Variants in THRB observed in about 807,000 individuals in gnomAD.
THRB encodes the protein nuclear receptor subfamily 1 group A member 2.
THRB carries 12 observed loss-of-function variants against 47.8 expected under a neutral mutation model. The ratio of observed to expected loss-of-function variants is 0.25; its 90% CI spans 0.16 to 0.41. The LOEUF is 0.41. Among genes scored for constraint, THRB ranks in the 10% least tolerant of loss-of-function variants. THRB has a pLI of 1.00. For synonymous variants in THRB, 218 were observed against 212.2 expected (o/e 1.03, Z -0.24); for missense variants, 348 against 589.2 (o/e 0.59, Z 4.24).
chr3:24,274,852 G>A (rs1473889553), intron 3 of THRB, among the ~76,000 whole-genome samples: 1 of 151,910 alleles, frequency 6.6e-6, no homozygotes, highest in South Asian at 2.1e-4. Context: ...TATATTATTT[G>A]CCTTTCTATT....
intron 1 of THRB, among the ~76,000 whole-genome samples, chr3:24,433,044 T>C (rs1227228672): frequency 6.6e-6 from 1 of 152,142 alleles, no homozygotes; most frequent in East Asian, 1.9e-4. Context: ...TTTTTATTTC[T>C]ACTAACTCAG....
intron 1 of THRB, among the ~76,000 whole-genome samples, chr3:24,490,687 C>T (rs184433763): frequency 8.8e-4 from 134 of 152,164 alleles, no homozygotes; most frequent in Non-Finnish European, 1.3e-3. Context: ...TTTCAAGTAC[C>T]TCGTTGTCCT....
At chr3:24,463,413 C>A (rs1042277462) in intron 1 of THRB, among the ~76,000 whole-genome samples, 3 of 152,012 alleles carry the variant, frequency 2.0e-5, no homozygotes, top group African/African-American at 4.8e-5. Context: ...GGCACATGTG[C>A]GGCTAATTTT....
chr3:24,165,891 C>T (rs1559494614), intron 5 of THRB, among the ~76,000 whole-genome samples: 2 of 152,070 alleles, frequency 1.3e-5, no homozygotes, highest in Non-Finnish European at 2.9e-5. Context: ...AAAGAAAATC[C>T]TAAAATCAAT....
At chr3:24,335,049 G>A (rs1425229771) in intron 2 of THRB, among the ~76,000 whole-genome samples, 1 of 152,182 alleles carries the variant, frequency 6.6e-6, no homozygotes, top group Non-Finnish European at 1.5e-5. Context: ...TGCATGTTGG[G>A]TGGTGACCCA....
chr3:24,227,022 A>G (rs1487568929), intron 4 of THRB, among the ~76,000 whole-genome samples: 1 of 152,206 alleles, frequency 6.6e-6, no homozygotes, highest in Non-Finnish European at 1.5e-5. Context: ...ACTGCACTGT[A>G]CCTAGAACTA....
chr3:24,357,685 C>T (rs931588306), intron 1 of THRB, among the ~76,000 whole-genome samples: 1 of 151,714 alleles, frequency 6.6e-6, no homozygotes, highest in African/African-American at 2.4e-5. Context: ...ATTTATTGTC[C>T]ACTTCTGAGG....
chr3:24,227,777 T>C (rs1426930500), intron 4 of THRB, among the ~76,000 whole-genome samples: 1 of 152,056 alleles, frequency 6.6e-6, no homozygotes, highest in Non-Finnish European at 1.5e-5. Flanking sequence ...GTGACATGAA[T>C]AGATAATCAA....
intron 3 of THRB, among the ~76,000 whole-genome samples, chr3:24,242,957 T>C (rs917758416): frequency 6.6e-6 from 1 of 151,668 alleles, no homozygotes; most frequent in African/African-American, 2.4e-5. Flanking sequence ...AGAGGGGTCA[T>C]CTGTGGGGTT....
chr3:24,492,052 A>G (rs1047831194), intron 1 of THRB, among the ~76,000 whole-genome samples: 1 of 152,266 alleles, frequency 6.6e-6, no homozygotes, highest in Non-Finnish European at 1.5e-5. Context: ...TGTGCAACAC[A>G]CACATACACA....
chr3:24,459,159 C>T (rs1006579256), intron 1 of THRB: 13 of 152,128 alleles, frequency 8.5e-5, no homozygotes, highest in African/African-American at 3.1e-4. Context: ...TCCCTGTGTC[C>T]ATGTGTTCTT....
At chr3:24,210,725 C>G (rs893370475) in intron 4 of THRB, among the ~76,000 whole-genome samples, 9 of 152,200 alleles carry the variant, frequency 5.9e-5, no homozygotes, top group Non-Finnish European at 1.2e-4. Context: ...TACCAGTCAG[C>G]ATGACTGATT....
chr3:24,179,300 T>C (rs965785983), intron 5 of THRB, among the ~76,000 whole-genome samples: 4 of 74,462 alleles, frequency 5.4e-5, no homozygotes, highest in African/African-American at 1.0e-4. Context: ...ATTCTGATAA[T>C]TGTGCTATGG....
chr3:24,117,537 T>C lies in THRB; in HGVS notation c.*5347A>G, dbSNP rs1400289276. The C allele has an allele frequency of 6.6e-6, 1 of 152,270 alleles. No individual in the cohort carries two copies. The highest frequency in any genetic ancestry group is 1.5e-5 in the Non-Finnish European group (1 of 68,056). The allele number at this position is 152,270 out of a possible 1,614,324, so 9.4% of individuals were successfully genotyped here. ...GGCCAGTGAGAATTAGGCCAGAATT[T>C]TCATTAGAATTGTTGGAGAAAAGAA... On this transcript the variant is annotated 3_prime_UTR_variant, in exon 11 of 11. Transcript: ENST00000646209.
intron 5 of THRB, among the ~76,000 whole-genome samples, chr3:24,177,278 T>C (rs979537831): frequency 1.3e-5 from 2 of 152,324 alleles, no homozygotes; most frequent in African/African-American, 4.8e-5. Flanking sequence ...CTAAGACAAA[T>C]GCCAGCCAGC....
At chr3:24,453,948 T>A (rs13061290) in intron 1 of THRB, among the ~76,000 whole-genome samples, 1 of 151,960 alleles carries the variant, frequency 6.6e-6, no homozygotes, top group Admixed American at 6.6e-5. Flanking sequence ...TCTTGACCCC[T>A]TTCCCCAAAC....
intron 1 of THRB, among the ~76,000 whole-genome samples, chr3:24,351,374 C>T (rs540651822): frequency 2.0e-5 from 3 of 152,204 alleles, no homozygotes; most frequent in Non-Finnish European, 4.4e-5. Flanking sequence ...CATCCTAATC[C>T]TTTCAAAATG....
chr3:24,424,995 T>C (rs984335019), intron 1 of THRB, among the ~76,000 whole-genome samples: 1 of 151,960 alleles, frequency 6.6e-6, no homozygotes, highest in Non-Finnish European at 1.5e-5. Flanking sequence ...ATATTTTTGG[T>C]GTAGACTTAT....
At chr3:24,284,194 C>T (rs944556281) in intron 3 of THRB, among the ~76,000 whole-genome samples, 3 of 150,274 alleles carry the variant, frequency 2.0e-5, no homozygotes, top group Non-Finnish European at 4.5e-5. Flanking sequence ...TACAAGGCTA[C>T]AGTAACCAAA....
Sources: gnomAD v4.1 joint callset for allele counts (sites outside exome capture counted in the v4.1 genomes callset) on GRCh38, gnomAD v4.1.1 for gene constraint, MANE v1.5 for transcripts, NCBI Gene and HGNC (gene_info 2026-07-23, HGNC 2026-07-21) for gene names.